GALNT13: variants seen among roughly 807,000 people sequenced by gnomAD.
GALNT13 encodes UDP-GalNAc:polypeptide N-acetylgalactosaminyltransferase 13.
Under a neutral mutation model 64.2 loss-of-function variants are expected in GALNT13, and 28 were observed. The ratio of observed to expected loss-of-function variants is 0.44; its 90% CI spans 0.32 to 0.60. The LOEUF is 0.60. Ranked by LOEUF, GALNT13 falls within the 20% of genes least tolerant of loss-of-function variation. The pLI, the probability that GALNT13 is intolerant of heterozygous loss-of-function variation, is 0.05. For missense variants in GALNT13, 577 were observed against 669.8 expected, an observed-to-expected ratio of 0.86 and a Z score of 1.53; for synonymous variants, 214 against 224.6, an observed-to-expected ratio of 0.95 and a Z score of 0.42.
At chr2:153,281,598 C>T in the GALNT13 span, among the ~76,000 whole-genome samples, 1 of 152,170 alleles carries the variant, frequency 6.6e-6, no homozygotes, top group Admixed American at 6.5e-5. Context: ...AAAACAAATT[C>T]CCTTAGTTCT....
At chr2:153,327,218 C>T in the GALNT13 span, among the ~76,000 whole-genome samples, 2 of 152,188 alleles carry the variant, frequency 1.3e-5, no homozygotes, top group Non-Finnish European at 2.9e-5. Flanking sequence ...ATTCTTCTCT[C>T]TGGCTGCCCT....
the GALNT13 span, among the ~76,000 whole-genome samples, chr2:153,233,054 A>T: frequency 2.0e-5 from 3 of 152,200 alleles, no homozygotes; most frequent in African/African-American, 7.2e-5. Flanking sequence ...CGTGGCTCTC[A>T]CACTACATCT....
chr2:154,214,111 TA>T (rs1226663505), intron 4 of GALNT13, among the ~76,000 whole-genome samples: 7 of 152,220 alleles, frequency 4.6e-5, no homozygotes, highest in African/African-American at 1.4e-4. Context: ...TGATAATTGA[TA>T]AATTTCACTT....
intron 12 of GALNT13, among the ~76,000 whole-genome samples, chr2:154,445,011 A>T (rs1013837135): frequency 1.7e-4 from 26 of 152,086 alleles, no homozygotes; most frequent in African/African-American, 5.5e-4. Flanking sequence ...AATATTAATA[A>T]TTGTTATCTT....
chr2:154,388,749 TA>T (rs1458369055), intron 9 of GALNT13, among the ~76,000 whole-genome samples: 1 of 151,880 alleles, frequency 6.6e-6, no homozygotes, highest in Non-Finnish European at 1.5e-5. Flanking sequence ...ATGAAGTTCA[TA>T]ATTACAATTA....
At chr2:153,073,719 G>A in the GALNT13 span, among the ~76,000 whole-genome samples, 4 of 152,078 alleles carry the variant, frequency 2.6e-5, no homozygotes, top group Non-Finnish European at 5.9e-5. Context: ...ATATCATCAA[G>A]TATTCAGTTA....
At chr2:154,130,905 C>T (rs1308779539) in intron 3 of GALNT13, among the ~76,000 whole-genome samples, 1 of 152,166 alleles carries the variant, frequency 6.6e-6, no homozygotes, top group Admixed American at 6.5e-5. Context: ...GAGATGTCCT[C>T]TTCCAAAGGG....
chr2:153,869,825 T>C (rs1685818244), upstream of GALNT13, among the ~76,000 whole-genome samples: 1 of 152,122 alleles, frequency 6.6e-6, no homozygotes, highest in Non-Finnish European at 1.5e-5. Flanking sequence ...ATATTATCTA[T>C]GTTTGGGCCA....
chr2:154,265,055 A>G (rs1340119772), intron 8 of GALNT13, among the ~76,000 whole-genome samples: 5 of 151,602 alleles, frequency 3.3e-5, no homozygotes, highest in Non-Finnish European at 5.9e-5. Context: ...TTTTAGCCAA[A>G]TATGGGAAAA....
At chr2:153,643,134 G>A in the GALNT13 span, among the ~76,000 whole-genome samples, 1 of 151,220 alleles carries the variant, frequency 6.6e-6, no homozygotes, top group Non-Finnish European at 1.5e-5. Context: ...ATGCAAAAAT[G>A]AGAAGATATG....
intron 3 of GALNT13, among the ~76,000 whole-genome samples, chr2:153,999,116 A>T (rs180713299): frequency 1.0e-3 from 159 of 152,290 alleles, no homozygotes; most frequent in Non-Finnish European, 1.9e-3. Flanking sequence ...AAAAGAACAA[A>T]GCTGGAGGCA....
chr2:153,958,621 T>A (rs1692735777), intron 3 of GALNT13, among the ~76,000 whole-genome samples: 1 of 152,178 alleles, frequency 6.6e-6, no homozygotes, highest in South Asian at 2.1e-4. Flanking sequence ...CTAGTAAGGA[T>A]CTCTACAGAG....
chr2:153,290,119 C>G, the GALNT13 span, among the ~76,000 whole-genome samples: 1 of 152,142 alleles, frequency 6.6e-6, no homozygotes, highest in African/African-American at 2.4e-5. Flanking sequence ...ACCTTACTCT[C>G]TATGCAAAAT....
At chr2:153,809,053 T>G in the GALNT13 span, among the ~76,000 whole-genome samples, 571 of 152,316 alleles carry the variant, frequency 3.7e-3, no homozygotes, top group Non-Finnish European at 5.5e-3. Flanking sequence ...ATTTCCCTAG[T>G]AAATTGACTT....
chr2:154,131,071 G>A (rs1682586116), intron 3 of GALNT13, among the ~76,000 whole-genome samples: 1 of 152,148 alleles, frequency 6.6e-6, no homozygotes, highest in Non-Finnish European at 1.5e-5. Context: ...TGGAGCCATT[G>A]CAAGATAAGG....
At chr2:153,327,288 C>T in the GALNT13 span, among the ~76,000 whole-genome samples, 39 of 152,076 alleles carry the variant, frequency 2.6e-4, no homozygotes, top group African/African-American at 9.2e-4. Flanking sequence ...CTTGGGGTTG[C>T]TCTTCTCAAG....
the GALNT13 span, among the ~76,000 whole-genome samples, chr2:153,829,693 G>C: frequency 6.6e-6 from 1 of 152,024 alleles, no homozygotes; most frequent in African/African-American, 2.4e-5. Context: ...TCAGGAAAGA[G>C]GTCAAAAAAT....
chr2:153,186,449 G>A, the GALNT13 span, among the ~76,000 whole-genome samples: 3 of 152,030 alleles, frequency 2.0e-5, no homozygotes, highest in Non-Finnish European at 2.9e-5. Context: ...TTTAGCTCAT[G>A]CTTATTTAAG....
chr2:154,180,102 C>A (rs2105727142), intron 4 of GALNT13, among the ~76,000 whole-genome samples: 1 of 152,228 alleles, frequency 6.6e-6, no homozygotes, highest in African/African-American at 2.4e-5. Flanking sequence ...GTTGTTTAAA[C>A]CAACCCAAAC....
Sources: allele counts gnomAD v4.1 joint callset (sites outside exome capture counted in the v4.1 genomes callset), GRCh38; gene constraint gnomAD v4.1.1; transcripts MANE v1.5; gene names NCBI Gene and HGNC (gene_info 2026-07-23, HGNC 2026-07-21).